The following RAD18 variants were observed in gnomAD, a reference collection of about 807,000 sequenced individuals.
RAD18 encodes the protein RAD18 E3 ubiquitin protein ligase.
RAD18 carries 47 observed loss-of-function variants against 60.4 expected under a neutral mutation model. The ratio of observed to expected loss-of-function variants is 0.78; its 90% CI spans 0.62 to 0.99. The LOEUF is 0.99. Ranked by LOEUF, RAD18 falls within the 50% of genes least tolerant of loss-of-function variation. RAD18 has a pLI of 0.00. For missense variants in RAD18, 640 were observed against 593.3 expected (o/e 1.08, Z -0.82); for synonymous variants, 225 against 195.5 (o/e 1.15, Z -1.26).
At chr3:8,886,390 T>A (rs760629830) in intron 12 of RAD18, among the ~76,000 whole-genome samples, 1 of 152,156 alleles carries the variant, frequency 6.6e-6, no homozygotes, top group Non-Finnish European at 1.5e-5. Flanking sequence ...CCTTGGCCAA[T>A]AGGGGAGTCT....
intron 10 of RAD18, among the ~76,000 whole-genome samples, chr3:8,900,672 T>C (rs1018740990): frequency 1.3e-5 from 2 of 152,158 alleles, no homozygotes; most frequent in Non-Finnish European, 2.9e-5. Flanking sequence ...CTTGAGAGAA[T>C]ATGCAACTTG....
chr3:8,908,585 T>C (rs168186), intron 9 of RAD18, among the ~76,000 whole-genome samples: 106,194 of 151,968 alleles, frequency 0.7, 37,574 homozygotes, highest in Middle Eastern at 0.76. Flanking sequence ...CCTGCTGACA[T>C]CTTGATCTTG....
chr3:8,934,477 G>A (rs1940616688), intron 7 of RAD18, among the ~76,000 whole-genome samples: 1 of 152,160 alleles, frequency 6.6e-6, no homozygotes, highest in South Asian at 2.1e-4. Context: ...CATCCAGATG[G>A]CCAACAAGCA....
intron 7 of RAD18, among the ~76,000 whole-genome samples, chr3:8,915,525 T>C (rs923776451): frequency 4.0e-5 from 6 of 151,580 alleles, no homozygotes; most frequent in Admixed American, 3.3e-4. Flanking sequence ...ACCATGAAAA[T>C]ATAAAAATTT....
At chr3:8,915,829 C>T (rs1480120843) in intron 7 of RAD18, among the ~76,000 whole-genome samples, 8 of 152,068 alleles carry the variant, frequency 5.3e-5, no homozygotes, top group Non-Finnish European at 8.8e-5. Flanking sequence ...GTGATCCACC[C>T]GCCTCGGCCT....
chr3:8,947,170 C>T (rs1031191482), intron 4 of RAD18, 50 bp downstream of exon 4: 6 of 1,370,282 alleles, frequency 4.4e-6, no homozygotes, highest in African/African-American at 4.3e-5. Context: ...AGAGAGAACA[C>T]ATATAAAAGG....
chr3:8,938,321 T>C (rs892288985), intron 6 of RAD18, among the ~76,000 whole-genome samples: 10 of 152,208 alleles, frequency 6.6e-5, no homozygotes, highest in African/African-American at 2.2e-4. Flanking sequence ...TGTAACAGTA[T>C]GAATCTGACC....
intron 12 of RAD18, among the ~76,000 whole-genome samples, chr3:8,883,053 AG>A (rs1185039838): frequency 3.3e-5 from 5 of 152,238 alleles, no homozygotes; most frequent in Non-Finnish European, 7.3e-5. Context: ...GTGAACTTGA[AG>A]GTATGTCAAT....
chr3:8,936,199 G>A, intron 6 of RAD18, 144 bp from the exon 7 acceptor site: 1 of 828,656 alleles, frequency 1.2e-6, no homozygotes, highest in Non-Finnish European at 1.8e-6. Context: ...GAAAAATCAA[G>A]TTTGTGGATA....
At chr3:8,913,791 AGTT>A (rs1288539206) in intron 7 of RAD18, 71 bp from the exon 8 acceptor site, 3 of 996,438 alleles carry the variant, frequency 3.0e-6, no homozygotes, top group East Asian at 5.4e-5. Flanking sequence ...TAATTATTTA[AGTT>A]GTTAACATTA....
At chr3:8,920,317 A>C (rs1940294837) in intron 7 of RAD18, among the ~76,000 whole-genome samples, 1 of 151,916 alleles carries the variant, frequency 6.6e-6, no homozygotes. Flanking sequence ...AAATAATAAT[A>C]AGGCAGAGGG....
At chr3:8,934,058 G>A (rs447423) in intron 7 of RAD18, among the ~76,000 whole-genome samples, 103,583 of 152,086 alleles carry the variant, frequency 0.68, 35,895 homozygotes, top group Middle Eastern at 0.77. Flanking sequence ...GCATTTCAAT[G>A]AGTGGTGCTG....
chr3:8,919,095 C>A (rs780878062), intron 7 of RAD18, among the ~76,000 whole-genome samples: 15 of 152,282 alleles, frequency 9.9e-5, no homozygotes, highest in East Asian at 1.9e-4. Flanking sequence ...GAAAACTGAA[C>A]CACAGTGTGG....
At chr3:8,922,005 C>T (rs1421124971) in intron 7 of RAD18, among the ~76,000 whole-genome samples, 2 of 152,232 alleles carry the variant, frequency 1.3e-5, no homozygotes, top group Non-Finnish European at 2.9e-5. Context: ...CAGCTCTCAG[C>T]ATGAGCGACG....
chr3:8,898,283 G>T (rs567754113), intron 11 of RAD18, among the ~76,000 whole-genome samples: 3 of 151,992 alleles, frequency 2.0e-5, no homozygotes, highest in Admixed American at 6.6e-5. Context: ...AAGTAACTGT[G>T]GTTTCAATTA....
chr3:8,960,628 C>T (rs1457683774), intron 1 of RAD18, among the ~76,000 whole-genome samples: 2 of 152,122 alleles, frequency 1.3e-5, no homozygotes, highest in Admixed American at 6.5e-5. Context: ...ATAATAATAA[C>T]AACTCTGTAG....
At chr3:8,910,274 ATAGT>A (rs1940084214) in intron 9 of RAD18, among the ~76,000 whole-genome samples, 1 of 152,236 alleles carries the variant, frequency 6.6e-6, no homozygotes, top group Non-Finnish European at 1.5e-5. Flanking sequence ...TACTAGGTAA[ATAGT>A]TAAACAAACA....
At chr3:8,911,031 T>C (rs372738016) in intron 9 of RAD18, among the ~76,000 whole-genome samples, 1 of 152,136 alleles carries the variant, frequency 6.6e-6, no homozygotes, top group East Asian at 1.9e-4. Context: ...ATGTAAAACA[T>C]TAATAAAATG....
chr3:8,902,912 G>C (rs192156891), intron 9 of RAD18, among the ~76,000 whole-genome samples: 3 of 152,050 alleles, frequency 2.0e-5, no homozygotes, highest in Non-Finnish European at 4.4e-5. Flanking sequence ...TATAATCCCA[G>C]CTACTTAGGA....
Sources: allele counts gnomAD v4.1 joint callset (sites outside exome capture counted in the v4.1 genomes callset), GRCh38; gene constraint gnomAD v4.1.1; transcripts MANE v1.5; gene names NCBI Gene and HGNC (gene_info 2026-07-23, HGNC 2026-07-21).